The following HMCN1 variants were observed in gnomAD, a reference collection of about 807,000 sequenced individuals.
The protein encoded by HMCN1 is hemicentin-1.
Under a neutral mutation model 625.9 loss-of-function variants are expected in HMCN1, and 321 were observed. The ratio of observed to expected loss-of-function variants is 0.51; its 90% CI spans 0.47 to 0.56. HMCN1 has a LOEUF of 0.56. Among genes scored for constraint, HMCN1 ranks in the 20% least tolerant of loss-of-function variants. The probability of loss-of-function intolerance (pLI) is 0.00; values close to 1 mark genes in which losing one functional copy is unlikely to be tolerated. For missense variants in HMCN1, 6,588 were observed against 6,887.3 expected (o/e 0.96, Z 1.54); for synonymous variants, 2,425 against 2,417.6 (o/e 1.00, Z -0.09).
rs768850935 is a variant in HMCN1, at chr1:185,993,187, C to A, written c.3383C>A (p.Thr1128Lys). 3 of 1,612,160 alleles carry A rather than the reference C, an allele frequency of 1.9e-6. No individual in the cohort carries two copies. Among genetic ancestry groups the A allele is most frequent in the East Asian group, 2.2e-5 (1 of 44,798 alleles). ...ATATGGTTTCTTTCTTTTAGACACA[C>A]ATTCCTCCCTTCTGGTTCAATGAAG... ...QLISPFSPRH[T>K]FLPSGSMKIT... The change falls in exon 23 of 107, where the codon ACA becomes AAA. Residue 1128 changes from threonine (T) to lysine (K), a missense_variant. By Grantham distance (78) the Thr-to-Lys change is moderately conservative. This residue lies in a region of HMCN1 where 4,628 missense variants were observed against 4,853.1 expected (regional missense o/e 0.95). Coordinates refer to ENST00000271588, the MANE Select transcript of HMCN1 (RefSeq NM_031935.3).
At chr1:186,004,865 A>G (rs1031911743) in intron 29 of HMCN1, among the ~76,000 whole-genome samples, 3 of 152,124 alleles carry the variant, frequency 2.0e-5, no homozygotes, top group Non-Finnish European at 4.4e-5. Context: ...AAAACCCAAC[A>G]TTGGGAGAAT....
At chr1:185,807,720 A>T (rs2102238415) in intron 1 of HMCN1, among the ~76,000 whole-genome samples, 1 of 152,214 alleles carries the variant, frequency 6.6e-6, no homozygotes, top group Admixed American at 6.5e-5. Flanking sequence ...CACTTCTTTC[A>T]TGTTTATGAA....
chr1:185,930,770 A>T (rs1667504023), intron 10 of HMCN1, among the ~76,000 whole-genome samples: 1 of 152,136 alleles, frequency 6.6e-6, no homozygotes, highest in South Asian at 2.1e-4. Flanking sequence ...GAATATAAAC[A>T]CATAGAATCT....
At chr1:186,010,421 T>C (rs1653925826) in intron 30 of HMCN1, among the ~76,000 whole-genome samples, 1 of 152,200 alleles carries the variant, frequency 6.6e-6, no homozygotes. Flanking sequence ...ACACCATCAA[T>C]TGCAAATATT....
chr1:186,108,928 T>C (rs189556139), intron 71 of HMCN1, among the ~76,000 whole-genome samples: 1 of 152,306 alleles, frequency 6.6e-6, no homozygotes, highest in East Asian at 1.9e-4. Context: ...GAAGAAACCA[T>C]CAAAGTCTCA....
intron 105 of HMCN1, among the ~76,000 whole-genome samples, chr1:186,186,619 A>G (rs771859195): frequency 1.3e-5 from 2 of 152,160 alleles, no homozygotes; most frequent in African/African-American, 2.4e-5. Context: ...TTTATTACCA[A>G]TATTCTTATT....
intron 1 of HMCN1, among the ~76,000 whole-genome samples, chr1:185,801,314 G>A (rs6425005): frequency 0.091 from 13,876 of 152,096 alleles, 2,036 homozygotes; most frequent in African/African-American, 0.31. Flanking sequence ...GAAAAAAATC[G>A]CAGCTCAAAT....
At chr1:185,878,504 G>A (rs1175320882) in intron 4 of HMCN1, among the ~76,000 whole-genome samples, 2 of 152,108 alleles carry the variant, frequency 1.3e-5, no homozygotes, top group Non-Finnish European at 2.9e-5. Context: ...TGATCACATG[G>A]TTTTTGTTTT....
At chr1:185,956,274 A>T (rs538069849) in intron 11 of HMCN1, among the ~76,000 whole-genome samples, 3 of 152,074 alleles carry the variant, frequency 2.0e-5, no homozygotes, top group Admixed American at 6.5e-5. Context: ...TTCTGAAACT[A>T]TCTAGATCCC....
intron 1 of HMCN1, among the ~76,000 whole-genome samples, chr1:185,769,684 A>C (rs2102142997): frequency 6.6e-6 from 1 of 152,258 alleles, no homozygotes; most frequent in East Asian, 1.9e-4. Flanking sequence ...GGATTCTGTT[A>C]GTCAAAATTT....
intron 6 of HMCN1, among the ~76,000 whole-genome samples, chr1:185,921,489 A>G (rs1390346965): frequency 1.3e-5 from 2 of 152,200 alleles, no homozygotes; most frequent in Non-Finnish European, 2.9e-5. Context: ...ATTAAAATGT[A>G]TATACACAAA....
chr1:185,977,851 A>C lies in HMCN1; in HGVS notation c.2436A>C (p.Leu812Phe), dbSNP rs367914815. The change falls in exon 16 of 107, where the codon TTA becomes TTC. Residue 812 changes from leucine (L) to phenylalanine (F), a missense_variant. By Grantham distance (22) the Leu-to-Phe change is conservative (BLOSUM62 0). Transcript: ENST00000271588. The part of the protein sequence containing the change: ...VSMEIGSNVT[L>F]PCYVQGYPEP... The stretch of plus-strand genomic sequence containing the variant: ...TGGAAATTGGCTCAAATGTGACATT[A>C]CCTTGTTATGTTCAGGGTTATCCAG... 96 of 1,613,210 alleles carry C rather than the reference A, an allele frequency of 6.0e-5. No individual in the cohort carries two copies. The highest frequency in any genetic ancestry group is 7.9e-5 in the Non-Finnish European group (93 of 1,179,454).
intron 1 of HMCN1, among the ~76,000 whole-genome samples, chr1:185,819,225 G>A (rs1439988327): frequency 1.4e-5 from 2 of 142,518 alleles, no homozygotes; most frequent in African/African-American, 5.6e-5. Context: ...CAACAAGAGC[G>A]AATCTCCATC....
intron 14 of HMCN1, among the ~76,000 whole-genome samples, chr1:185,966,189 G>A (rs1650396469): frequency 6.6e-6 from 1 of 152,104 alleles, no homozygotes; most frequent in Non-Finnish European, 1.5e-5. Context: ...ATTGTTTCCT[G>A]AAGAAAATTG....
At chr1:185,754,695 C>T (rs1655023122) in intron 1 of HMCN1, among the ~76,000 whole-genome samples, 1 of 151,698 alleles carries the variant, frequency 6.6e-6, no homozygotes, top group Non-Finnish European at 1.5e-5. Flanking sequence ...TTAAAAAATA[C>T]AAATTAACCA....
intron 11 of HMCN1, among the ~76,000 whole-genome samples, chr1:185,949,284 G>T (rs1558086845): frequency 1.3e-5 from 2 of 151,736 alleles, no homozygotes; most frequent in Non-Finnish European, 2.9e-5. Context: ...CTAGACAGAA[G>T]ATAGTAGGGA....
intron 4 of HMCN1, among the ~76,000 whole-genome samples, chr1:185,887,805 T>A (rs373343731): frequency 8.6e-5 from 12 of 139,240 alleles, no homozygotes; most frequent in African/African-American, 2.7e-4. Context: ...TGATTTATAG[T>A]CCTTTGGGTA....
intron 89 of HMCN1, among the ~76,000 whole-genome samples, chr1:186,141,426 G>A (rs933778983): frequency 2.0e-5 from 3 of 152,070 alleles, no homozygotes; most frequent in South Asian, 2.1e-4. Context: ...CTTACTTTCC[G>A]GTGCAAATAG....
intron 36 of HMCN1, among the ~76,000 whole-genome samples, chr1:186,026,489 G>A (rs184415567): frequency 6.6e-6 from 1 of 152,264 alleles, no homozygotes; most frequent in East Asian, 1.9e-4. Flanking sequence ...CTCTTCGAAT[G>A]CTCCCAAAGT....
Sources: allele counts gnomAD v4.1 joint callset (sites outside exome capture counted in the v4.1 genomes callset), GRCh38; gene constraint gnomAD v4.1.1; regional missense constraint gnomAD v4.1.1; transcripts MANE v1.5; gene names NCBI Gene and HGNC (gene_info 2026-07-23, HGNC 2026-07-21).